GRIP2: variants seen among roughly 807,000 people sequenced by gnomAD.
The protein encoded by GRIP2 is glutamate receptor-interacting protein 2.
Under a neutral mutation model 108.3 loss-of-function variants are expected in GRIP2, and 58 were observed. The ratio of observed to expected loss-of-function variants is 0.54; its 90% confidence interval spans 0.43 to 0.67. GRIP2 has a LOEUF of 0.67. Among genes scored for constraint, GRIP2 ranks in the 30% least tolerant of loss-of-function variants. The pLI is 0.00. For missense variants in GRIP2, 1,278 were observed against 1,430.6 expected, an observed-to-expected ratio of 0.89 and a Z score of 1.72; for synonymous variants, 586 against 598.2, an observed-to-expected ratio of 0.98 and a Z score of 0.30.
At chr3:14,558,464 T>C (rs553056034), upstream of GRIP2, among the ~76,000 whole-genome samples, 2 of 151,984 alleles carry the variant, frequency 1.3e-5, no homozygotes, top group African/African-American at 4.8e-5. Context: ...GTGCCTTTGG[T>C]AGGAAGAGAA....
chr3:14,547,608 G>A (rs1233789494), intron 1 of GRIP2, among the ~76,000 whole-genome samples: 1 of 152,240 alleles, frequency 6.6e-6, no homozygotes, highest in Non-Finnish European at 1.5e-5. Flanking sequence ...GGTCAGCTAA[G>A]TGTCTTAGAA....
Position 14,524,458 on chromosome 3 carries a change from A to T in GRIP2, c.338T>A (p.Ile113Asn). The change falls in exon 4 of 24, where the codon ATC becomes AAC. Residue 113 changes from isoleucine (I) to asparagine (N), a missense_variant. By Grantham distance (149) the Ile-to-Asn change is moderately radical. Coordinates refer to ENST00000621039, the MANE Select transcript of GRIP2 (RefSeq NM_001080423.4). ...HLTRLRHDEIITLLKNVGERV... is the reference protein window; with the variant it reads ...HLTRLRHDEINTLLKNVGERV... Reference sequence around the variant, plus strand: ...CTCGCCCACATTCTTGAGCAGGGTGATGATCTCATCGTGGCGGAGCCTGGT... The same window carrying T: ...CTCGCCCACATTCTTGAGCAGGGTGTTGATCTCATCGTGGCGGAGCCTGGT... The T allele has an allele frequency of 6.2e-7, 1 of 1,600,258 alleles. No homozygotes were observed. The highest frequency in any genetic ancestry group is 2.3e-5 in the East Asian group (1 of 44,336).
chr3:14,591,268 C>T, the GRIP2 span, among the ~76,000 whole-genome samples: 2 of 152,194 alleles, frequency 1.3e-5, no homozygotes, highest in African/African-American at 2.4e-5. Context: ...CCCTGAGTGC[C>T]CGCCCCATCA....
upstream of GRIP2, among the ~76,000 whole-genome samples, chr3:14,541,370 C>T (rs918492723): frequency 3.3e-5 from 5 of 152,230 alleles, no homozygotes; most frequent in African/African-American, 9.6e-5. Flanking sequence ...ACAGACAAGG[C>T]CTGGCTCCCA....
At chr3:14,565,917 A>G in the GRIP2 span, among the ~76,000 whole-genome samples, 1 of 152,228 alleles carries the variant, frequency 6.6e-6, no homozygotes, top group Non-Finnish European at 1.5e-5. Flanking sequence ...GCACAGAGAA[A>G]GGAGCGTGCC....
At chr3:14,594,284 TG>T in the GRIP2 span, among the ~76,000 whole-genome samples, 5 of 152,198 alleles carry the variant, frequency 3.3e-5, no homozygotes, top group Non-Finnish European at 7.4e-5. Flanking sequence ...CAGTCTGTGC[TG>T]GGAGCTAAGG....
At chr3:14,514,816 C>A (rs1288523166) in intron 11 of GRIP2, among the ~76,000 whole-genome samples, 1 of 152,222 alleles carries the variant, frequency 6.6e-6, no homozygotes, top group Admixed American at 6.5e-5. Flanking sequence ...TATTATGTCA[C>A]TCTGCTTTTC....
At chr3:14,573,593 C>T in the GRIP2 span, 5 of 1,452,714 alleles carry the variant, frequency 3.4e-6, no homozygotes, top group Non-Finnish European at 4.8e-6. Context: ...GGGAGGTGAT[C>T]TCACACTCGC....
chr3:14,590,481 C>G, the GRIP2 span, among the ~76,000 whole-genome samples: 7 of 152,054 alleles, frequency 4.6e-5, no homozygotes, highest in African/African-American at 1.7e-4. Flanking sequence ...TGGACTTTTT[C>G]TCTCATCTGA....
the GRIP2 span, among the ~76,000 whole-genome samples, chr3:14,602,904 G>C: frequency 6.6e-6 from 1 of 150,610 alleles, no homozygotes; most frequent in Admixed American, 6.6e-5. This position sits in a 1 kb window ranked among gnomAD's most constrained non-coding sequence, Gnocchi z 4.7. Flanking sequence ...CGCGCTCACC[G>C]GCCGGGCAGC....
At chr3:14,543,788 C>A (rs541099444), upstream of GRIP2, among the ~76,000 whole-genome samples, 1 of 152,352 alleles carries the variant, frequency 6.6e-6, no homozygotes, top group African/African-American at 2.4e-5. Flanking sequence ...AGCTGGCAGG[C>A]AGCCCCTCTT....
At chr3:14,520,752 G>A (rs1694386104) in intron 7 of GRIP2, 1 of 589,806 alleles carries the variant, frequency 1.7e-6, no homozygotes, top group Non-Finnish European at 3.0e-6. Flanking sequence ...AGGGGCAGGA[G>A]CTCAGGTCTG....
the GRIP2 span, chr3:14,574,789 G>A: frequency 0.013 from 4,641 of 363,862 alleles, 230 homozygotes; most frequent in African/African-American, 0.086. Context: ...ACCAACTCTC[G>A]CTTCCCACAA....
chr3:14,540,467 AG>A, upstream of GRIP2: 2 of 1,518,606 alleles, frequency 1.3e-6, no homozygotes, highest in Non-Finnish European at 8.9e-7. This position sits in a 1 kb window ranked among gnomAD's most constrained non-coding sequence, Gnocchi z 4.1. Context: ...CTCTGCTTAA[AG>A]GGGACATGGC....
Position 14,517,331 on chromosome 3 carries a change from C to T in GRIP2, c.1157-118G>A, listed in dbSNP as rs1694277469. ...GAGATGGGGATGCCTTCCCCCTTCA[C>T]ATCAGTTACTCATTGTGTGACCTCA... On this transcript the variant is annotated intron_variant, in intron 10 of 23. Coordinates refer to ENST00000621039, the MANE Select transcript of GRIP2 (RefSeq NM_001080423.4). 6 of 1,035,662 alleles carry T rather than the reference C, an allele frequency of 5.8e-6. No homozygotes were observed. In the East Asian group the frequency reaches 1.7e-4, roughly 29 times the overall value. The allele number at this position is 1,035,662 out of a possible 1,614,324, so 64.2% of individuals were successfully genotyped here.
chr3:14,564,695 G>A, the GRIP2 span, among the ~76,000 whole-genome samples: 5 of 152,218 alleles, frequency 3.3e-5, no homozygotes, highest in East Asian at 9.6e-4. Flanking sequence ...AATGGGGAAA[G>A]GGGAGAAAGA....
chr3:14,534,917 G>A (rs1694798148), intron 1 of GRIP2, among the ~76,000 whole-genome samples: 1 of 152,208 alleles, frequency 6.6e-6, no homozygotes, highest in Admixed American at 6.5e-5. Flanking sequence ...GCCTAAGCGG[G>A]TGGCTGGAAA....
chr3:14,520,206 C>T lies in GRIP2; in HGVS notation c.934G>A (p.Glu312Lys), dbSNP rs1694365595. ...ATGCTGGCCAGGAGCTTGGTGGCCT[C>T]AAGCAGCGAGCAGTGTTCCATGCTG... The part of the protein sequence containing the change: ...GTSMEHCSLL[E>K]ATKLLASISE... The change falls in exon 9 of 24, where the codon GAG (glutamate) becomes AAG (lysine). Residue 312 changes from glutamate to lysine, a missense_variant. Coordinates refer to ENST00000621039, the MANE Select transcript of GRIP2 (RefSeq NM_001080423.4). 1 of 1,613,654 alleles carries T rather than the reference C, an allele frequency of 6.2e-7. No homozygotes were observed.
chr3:14,588,915 CG>C, the GRIP2 span, among the ~76,000 whole-genome samples: 3 of 152,180 alleles, frequency 2.0e-5, no homozygotes, highest in Non-Finnish European at 2.9e-5. Flanking sequence ...GGCCTCATGG[CG>C]GGCCCCTCAC....
Sources: allele counts gnomAD v4.1 joint callset (sites outside exome capture counted in the v4.1 genomes callset), GRCh38; gene constraint gnomAD v4.1.1; non-coding constraint Gnocchi (gnomAD v3.1); transcripts MANE v1.5; gene names NCBI Gene and HGNC (gene_info 2026-07-23, HGNC 2026-07-21).